The following CELSR3 variants were observed in gnomAD, a reference collection of about 807,000 sequenced individuals.
CELSR3 encodes the protein EGF-like protein 1.
A neutral mutation model predicts 270.0 loss-of-function variants in CELSR3; 73 were observed. That is an observed-to-expected ratio of 0.27 (90% confidence interval 0.22 to 0.33). The LOEUF is 0.33. Among genes scored for constraint, CELSR3 ranks in the 10% least tolerant of loss-of-function variants. The pLI is 1.00. For missense variants in CELSR3, 3,614 were observed against 4,533.8 expected (o/e 0.80, Z 5.83); for synonymous variants, 1,780 against 1,905.4 (o/e 0.93, Z 1.71).
Position 48,652,985 on chromosome 3 carries a change from G to A in CELSR3, c.5634+17C>T, listed in dbSNP as rs373009830. On this transcript the variant is annotated intron_variant, in intron 10 of 34. Transcript: ENST00000164024. The surrounding 1 kb of genome is among the most constrained non-coding windows in gnomAD (Gnocchi z 4.3). The stretch of plus-strand genomic sequence containing the variant: ...TGGAAGGCTGAGAACAGACTACCCC[G>A]GGGTCAGAGGCCAGACCTGGAAGAG... 1.6e-5 allele frequency: 25 copies of A among 1,608,700 alleles called. No individual in the cohort carries two copies. The African/African-American group carries it at 1.6e-4, about 10-fold the overall frequency.
Position 48,646,028 on chromosome 3 carries a change from G to C in CELSR3, c.7463+62C>G. 3.1e-6 allele frequency: 5 copies of C among 1,597,402 alleles called. No homozygotes were observed. Among genetic ancestry groups the C allele is most frequent in the East Asian group, 2.2e-5 (1 of 44,544 alleles). ...AGTGGGGGCCCCAGGGGAAGGCTGG[G>C]ACTATTAGTTGGCCTCCCAAGGGCT... On this transcript the variant is annotated intron_variant, in intron 22 of 34. Coordinates refer to ENST00000164024, the MANE Select transcript of CELSR3 (RefSeq NM_001407.3). This position sits in a 1 kb window ranked among gnomAD's most constrained non-coding sequence, Gnocchi z 4.8.
rs747531523 is a variant in CELSR3, at chr3:48,662,071, C to T, written c.564G>A (p.Gln188=). The T allele has an allele frequency of 3.3e-5, 54 of 1,613,962 alleles. No homozygotes were observed. The highest frequency in any genetic ancestry group is 1.6e-4 in the Middle Eastern group (1 of 6,084). ...TGCGGGAGCCTGTCCCAGCGTTCCG[C>T]TGGGAGGACACCGGCTTGGGACCGT... The part of the protein sequence containing the change: ...RHHGPKPVSS[Q]RNAGTGSRKR... Residue 188 remains glutamine (Q), a synonymous_variant, in exon 1 of 35, where the codon CAG becomes CAA. Transcript: ENST00000164024. This position sits in a 1 kb window ranked among gnomAD's most constrained non-coding sequence, Gnocchi z 7.1.
At chr3:48,643,288 T>C (rs1414154513) in intron 28 of CELSR3, 1 of 625,684 alleles carries the variant, frequency 1.6e-6, no homozygotes, top group Non-Finnish European at 2.8e-6. Context: ...AAGGTCGGTG[T>C]GGATCAGCAA....
Position 48,659,823 on chromosome 3 carries a change from T to C in CELSR3, c.2812A>G (p.Ile938Val). The C allele has an allele frequency of 3.1e-6, 5 of 1,614,234 alleles. No homozygotes were observed. The highest frequency in any genetic ancestry group is 3.4e-6 in the Non-Finnish European group (4 of 1,180,032). Residue 938 changes from isoleucine (I) to valine (V), a missense_variant, in exon 1 of 35, where the codon ATC (isoleucine) becomes GTC (valine). By Grantham distance (29) the Ile-to-Val change is conservative (BLOSUM62 3). This residue lies in a region of CELSR3 where 1,331 missense variants were observed against 1,933.7 expected (regional missense o/e 0.69). Coordinates refer to ENST00000164024, the MANE Select transcript of CELSR3 (RefSeq NM_001407.3). The surrounding 1 kb of genome is among the most constrained non-coding windows in gnomAD (Gnocchi z 8.1). ...TAAGTAGTGTCTGCCTTCTGTGGGATGCCATTGTCCCGAGCTGTGATAGCC... is the reference window on the plus strand; with the variant it reads ...TAAGTAGTGTCTGCCTTCTGTGGGACGCCATTGTCCCGAGCTGTGATAGCC... ...TLAITARDNG[I>V]PQKADTTYVE...
chr3:48,644,147 G>A lies in CELSR3; in HGVS notation c.8165+69C>T, dbSNP rs774756551. 9 of 1,420,442 alleles carry A rather than the reference G, an allele frequency of 6.3e-6. No homozygotes were observed. The East Asian group carries it at 1.2e-4, about 18-fold the overall frequency. 88.0% of individuals were successfully genotyped at this position (1,420,442 alleles called of 1,614,324 possible). On this transcript the variant is annotated intron_variant, in intron 27 of 34. Transcript: ENST00000164024. The surrounding 1 kb of genome is among the most constrained non-coding windows in gnomAD (Gnocchi z 4.8). ...CAACCTGCACCAGGGAAGATCTGGG[G>A]GCCCCAGACCCCACCCAGGAGGGAC...
chr3:48,661,065 GC>G lies in CELSR3; in HGVS notation c.1569del (p.Pro524ArgfsTer10). On this transcript the variant is annotated frameshift_variant, in exon 1 of 35. Coordinates refer to ENST00000164024, the MANE Select transcript of CELSR3 (RefSeq NM_001407.3). LOFTEE classifies it high-confidence loss of function. ...TGTACGCGCACAGTGGCCGAGCGCG[GC>G]CCGGGTTCCTGGCCCTGGTCGCTGG... ...VEASDQGQEP[G>X]PRSATVRVHI... 1.2e-6 allele frequency: 2 copies of G among 1,613,716 alleles called. No individual in the cohort carries two copies. The highest frequency in any genetic ancestry group is 1.7e-6 in the Non-Finnish European group (2 of 1,180,026).
rs771193125 is a variant in CELSR3 at position 48,647,826 on chromosome 3, C to T, written c.7129+15G>A. ...GAGACAGGACTTGGCCCAGGGGTCC[C>T]CTAGGGGCTCTCACCTTCAGATGGG... On this transcript the variant is annotated intron_variant, in intron 20 of 34. Coordinates refer to ENST00000164024, the MANE Select transcript of CELSR3 (RefSeq NM_001407.3). 1 of 1,606,094 alleles carries T rather than the reference C, an allele frequency of 6.2e-7. No homozygotes were observed.
In CELSR3 at chr3:48,637,931, A is replaced by G; in HGVS notation, c.*274T>C. 1 of 360,926 alleles carries G rather than the reference A, an allele frequency of 2.8e-6. No homozygotes were observed. The highest frequency in any genetic ancestry group is 5.2e-6 in the Non-Finnish European group (1 of 193,332). 22.4% of individuals were successfully genotyped at this position (360,926 alleles called of 1,614,324 possible). The stretch of plus-strand genomic sequence containing the variant: ...CCAGCCCAGCCTCAAACCCCCCAGG[A>G]GACAGAAAAGCTGAAAAATAACATA... On this transcript the variant is annotated 3_prime_UTR_variant, in exon 35 of 35. Coordinates refer to ENST00000164024, the MANE Select transcript of CELSR3 (RefSeq NM_001407.3).
In CELSR3 at chr3:48,660,242, G is replaced by A. The variant is rs1254922586; in HGVS notation, c.2393C>T (p.Thr798Ile). The A allele has an allele frequency of 6.2e-7, 1 of 1,614,146 alleles. No individual in the cohort carries two copies. The highest frequency in any genetic ancestry group is 8.5e-7 in the Non-Finnish European group (1 of 1,180,042). The change falls in exon 1 of 35, where the codon ACC (threonine) becomes ATC (isoleucine). Residue 798 changes from threonine (T) to isoleucine (I), a missense_variant. Thr to Ile is a moderately conservative substitution (Grantham distance 89, BLOSUM62 -1). This residue lies in a region of CELSR3 where 215 missense variants were observed against 241.2 expected (regional missense o/e 0.89). Coordinates refer to ENST00000164024, the MANE Select transcript of CELSR3 (RefSeq NM_001407.3). The surrounding 1 kb of genome is among the most constrained non-coding windows in gnomAD (Gnocchi z 5.5). ...GGTGCTGATGGCAAAGCGATTCCGG[G>A]TGTTGCCGCCTGTGATCTGGTAGCT... ...AISYQITGGN[T>I]RNRFAISTQG...
rs768390556 is a variant in CELSR3, at chr3:48,646,100, G to A, written c.7453C>T (p.Pro2485Ser). The A allele has an allele frequency of 6.2e-7, 1 of 1,612,686 alleles. No individual in the cohort carries two copies. Among genetic ancestry groups the A allele is most frequent in the East Asian group, 2.2e-5 (1 of 44,882 alleles). Residue 2485 changes from proline to serine, a missense_variant, in exon 22 of 35, where the codon CCA becomes TCA. Physicochemically the swap from Pro to Ser is moderately conservative, Grantham distance 74. Coordinates refer to ENST00000164024, the MANE Select transcript of CELSR3 (RefSeq NM_001407.3). The surrounding 1 kb of genome is among the most constrained non-coding windows in gnomAD (Gnocchi z 4.8). ...AATGGGGGTCCTCACAGGCCAGGTG[G>A]GTCCCACTGCACACAGATCGCCTTG... is the stretch of plus-strand genomic sequence containing the variant. ...RSKAICVQWD[P>S]PGLAEQHGVW...
At position 48,648,943 on chromosome 3, in the gene CELSR3, A is replaced by G. The variant is rs2047112568; in HGVS notation, c.6568-15T>C. The G allele has an allele frequency of 6.2e-7, 1 of 1,612,188 alleles. No homozygotes were observed. Among genetic ancestry groups the G allele is most frequent in the Non-Finnish European group, 8.5e-7 (1 of 1,179,644 alleles). ...AGGCCATCCAGCTGCCAAGACAAGG[A>G]GATGGTTGCTCTGTGGTCCCTTAGG... On this transcript the variant is annotated splice_polypyrimidine_tract_variant and intron_variant, in intron 17 of 34. Transcript: ENST00000164024.
In CELSR3 at chr3:48,643,065, G is replaced by C; in HGVS notation, c.8308C>G (p.Leu2770Val). ...CGLQGLAVLL[L>V]FCVLNADARA... ...GCATCTGCATTTAGGACACAGAAGA[G>C]CAGCAGCACCGCCAGGCCCTGTGGG... The change falls in exon 29 of 35, where the codon CTC becomes GTC. Residue 2770 changes from leucine (L) to valine (V), a missense_variant. Around this residue, in one of 7 missense-constraint regions of CELSR3, gnomAD observed 1,240 missense variants for 1,351.7 expected, o/e 0.92. Transcript: ENST00000164024. 1 of 1,612,102 alleles carries C rather than the reference G, an allele frequency of 6.2e-7. No homozygotes were observed. Among genetic ancestry groups the C allele is most frequent in the Non-Finnish European group, 8.5e-7 (1 of 1,179,224 alleles).
At position 48,659,099 on chromosome 3, in the gene CELSR3, T is replaced by C; in HGVS notation, c.3536A>G (p.Tyr1179Cys). ...GAAGGTGTCTGAACGGTTGGATACA[T>C]AGTTGTTGAAGAGGATCTGGAAGTT... ...LNNFQILFNN[Y>C]VSNRSDTFPS... Residue 1179 changes from tyrosine (Y) to cysteine (C), a missense_variant, in exon 1 of 35, where the codon TAT (tyrosine) becomes TGT (cysteine). Around this residue, in one of 7 missense-constraint regions of CELSR3, gnomAD observed 1,331 missense variants for 1,933.7 expected, o/e 0.69. Coordinates refer to ENST00000164024, the MANE Select transcript of CELSR3 (RefSeq NM_001407.3). The surrounding 1 kb of genome is among the most constrained non-coding windows in gnomAD (Gnocchi z 8.1). 1 of 1,614,110 alleles carries C rather than the reference T, an allele frequency of 6.2e-7. No homozygotes were observed. The highest frequency in any genetic ancestry group is 8.5e-7 in the Non-Finnish European group (1 of 1,180,018).
chr3:48,646,714 G>A lies in CELSR3; in HGVS notation c.7295+49C>T. On this transcript the variant is annotated intron_variant, in intron 21 of 34. Transcript: ENST00000164024. This position sits in a 1 kb window ranked among gnomAD's most constrained non-coding sequence, Gnocchi z 4.8. ...GCATCTACCCACCAAAAAAGGGGCT[G>A]CCAGGCTGAGAAGTTCGTAGGAAGC... The A allele has an allele frequency of 2.5e-6, 4 of 1,570,834 alleles. No homozygotes were observed. Among genetic ancestry groups the A allele is most frequent in the Non-Finnish European group, 2.6e-6 (3 of 1,162,068 alleles).
In CELSR3 at chr3:48,648,232, T is replaced by C. The variant is rs759172111; in HGVS notation, c.6973+34A>G. 2 of 1,563,310 alleles carry C rather than the reference T, an allele frequency of 1.3e-6. 1 individual carries two copies. Among genetic ancestry groups the C allele is most frequent in the South Asian group, 2.2e-5 (2 of 89,346 alleles). On this transcript the variant is annotated intron_variant, in intron 19 of 34. Transcript: ENST00000164024. ...GGTACCTGCCCTTTCATGGCCCCCC[T>C]GCTGTGCCCCGCCCTACCCCACCCA...
At position 48,645,511 on chromosome 3, in the gene CELSR3, TG is replaced by T; in HGVS notation, c.7728del (p.Asn2577MetfsTer118). ...SLKSNVRGIH[A>X]NVAAALGVAE... ...GCCACCCCCAGGGCGGCTGCCACAT[TG>T]GCATGGATCCCACGCACATTGGACT... On this transcript the variant is annotated frameshift_variant, in exon 24 of 35. Transcript: ENST00000164024. LOFTEE classifies it high-confidence loss of function. The surrounding 1 kb of genome is among the most constrained non-coding windows in gnomAD (Gnocchi z 5.4). 1 of 1,612,834 alleles carries T rather than the reference TG, an allele frequency of 6.2e-7. No individual in the cohort carries two copies. The highest frequency in any genetic ancestry group is 8.5e-7 in the Non-Finnish European group (1 of 1,180,022).
Position 48,655,225 on chromosome 3 carries a change from A to C in CELSR3, c.4831-24T>G. ...GGCTGAAGACGCAGGCACACCAGTC[A>C]ACAGTGCCCCCAGTAACCCCTGAGG... On this transcript the variant is annotated intron_variant, in intron 5 of 34. Coordinates refer to ENST00000164024, the MANE Select transcript of CELSR3 (RefSeq NM_001407.3). This position sits in a 1 kb window ranked among gnomAD's most constrained non-coding sequence, Gnocchi z 5.8. 6.2e-7 allele frequency: 1 copy of C among 1,613,964 alleles called. No homozygotes were observed. Among genetic ancestry groups the C allele is most frequent in the Non-Finnish European group, 8.5e-7 (1 of 1,179,916 alleles).
chr3:48,640,064 AGGGGCAGAGGT>A lies in CELSR3; in HGVS notation c.9510_9520del (p.Pro3171ValfsTer22), dbSNP rs909626630. The A allele has an allele frequency of 6.2e-7, 1 of 1,610,654 alleles. No individual in the cohort carries two copies. The highest frequency in any genetic ancestry group is 1.3e-5 in the African/African-American group (1 of 75,018). On this transcript the variant is annotated frameshift_variant, in exon 34 of 35. Coordinates refer to ENST00000164024, the MANE Select transcript of CELSR3 (RefSeq NM_001407.3). LOFTEE classifies it high-confidence loss of function. This position sits in a 1 kb window ranked among gnomAD's most constrained non-coding sequence, Gnocchi z 7.5. ...CCTTGAGAGTTGCCGCTGGGGAGAC[AGGGGCAGAGGT>A]GGGGGCTGTGGGTCAAGGTCCCGGG...
Position 48,642,881 on chromosome 3 carries a change from G to T in CELSR3, c.8410C>A (p.Pro2804Thr). 6.2e-7 allele frequency: 1 copy of T among 1,613,060 alleles called. No homozygotes were observed. The highest frequency in any genetic ancestry group is 8.5e-7 in the Non-Finnish European group (1 of 1,179,914). The change falls in exon 30 of 35, where the codon CCT becomes ACT. Residue 2804 changes from proline (P) to threonine (T), a missense_variant. Around this residue, in one of 7 missense-constraint regions of CELSR3, gnomAD observed 1,240 missense variants for 1,351.7 expected, o/e 0.92. Transcript: ENST00000164024. This position sits in a 1 kb window ranked among gnomAD's most constrained non-coding sequence, Gnocchi z 6.1. Reference protein sequence around the residue: ...EEARPAPGLGPGAYNNTALFE... With the variant: ...EEARPAPGLGTGAYNNTALFE... ...AGAGCCGTGTTGTTGTAGGCCCCAG[G>T]TCCCTGGGGGTGGTAGGGACAGAGT... is the stretch of plus-strand genomic sequence containing the variant.
Sources: gnomAD v4.1 joint callset for allele counts on GRCh38, gnomAD v4.1.1 for gene constraint, gnomAD v4.1.1 regional missense constraint, Gnocchi (gnomAD v3.1) non-coding constraint, MANE v1.5 for transcripts, NCBI Gene and HGNC (gene_info 2026-07-23, HGNC 2026-07-21) for gene names.